Variants in RMND5B observed in about 807,000 individuals in gnomAD.
RMND5B encodes the protein E3 ubiquitin-protein transferase RMND5B.
A neutral mutation model predicts 50.4 loss-of-function variants in RMND5B; 42 were observed. That is an observed-to-expected ratio of 0.83 (90% CI 0.65 to 1.08). RMND5B has a LOEUF of 1.08. Ranked by LOEUF, RMND5B falls within the 50% of genes least tolerant of loss-of-function variation. RMND5B has a pLI of 0.00. For missense variants in RMND5B, 463 were observed against 508.5 expected (o/e 0.91, Z 0.86); for synonymous variants, 220 against 210.0 (o/e 1.05, Z -0.41).
In RMND5B at chr5:178,148,453, T is replaced by C. The variant is rs1046232361; in HGVS notation, c.*421T>C. 1.6e-5 allele frequency: 4 copies of C among 256,840 alleles called. No individual in the cohort carries two copies. Among genetic ancestry groups the C allele is most frequent in the African/African-American group, 8.9e-5 (4 of 45,004 alleles). 15.9% of individuals were successfully genotyped at this position (256,840 alleles called of 1,614,324 possible). On this transcript the variant is annotated 3_prime_UTR_variant, in exon 11 of 11. Coordinates refer to ENST00000313386, the MANE Select transcript of RMND5B (RefSeq NM_022762.5). ...AGAGTGTCCAGCGGTGGCCCACCTC[T>C]TCCTCCCACTACAGCCTCAACAGTA...
At chr5:178,147,188 C>G (rs546904346) in intron 8 of RMND5B, 2 of 291,392 alleles carry the variant, frequency 6.9e-6, no homozygotes, top group Admixed American at 4.8e-5. Context: ...CAGCAGGGTA[C>G]GTCCTACAGG....
In RMND5B at chr5:178,146,268, C is replaced by A. The variant is rs749058433; in HGVS notation, c.849C>A (p.Pro283=). Residue 283 remains proline (P), a synonymous_variant, in exon 8 of 11, where the codon CCC becomes CCA. Coordinates refer to ENST00000313386, the MANE Select transcript of RMND5B (RefSeq NM_022762.5). Reference sequence around the variant, plus strand: ...TGCTGGGGCTTTCTGTGGAGTCCCCCCTTAGCGTCAGGTACAACCCAGCCC... The same window carrying A: ...TGCTGGGGCTTTCTGTGGAGTCCCCACTTAGCGTCAGGTACAACCCAGCCC... ...CSLLGLSVES[P]LSVSFASGCV... 8.1e-6 allele frequency: 13 copies of A among 1,613,928 alleles called. No individual in the cohort carries two copies. The Admixed American group carries it at 1.0e-4, about 12-fold the overall frequency.
chr5:178,134,274 A>T (rs1758496522), intron 2 of RMND5B, among the ~76,000 whole-genome samples: 1 of 152,220 alleles, frequency 6.6e-6, no homozygotes, highest in African/African-American at 2.4e-5. Context: ...ATTTAACTAC[A>T]GCTTACGTAC....
intron 2 of RMND5B, among the ~76,000 whole-genome samples, chr5:178,132,976 T>G (rs1390911493): frequency 2.6e-5 from 4 of 151,866 alleles, no homozygotes; most frequent in African/African-American, 4.8e-5. Flanking sequence ...GCAATTCTCC[T>G]GCCTCAGCCT....
chr5:178,146,094 C>A lies in RMND5B; in HGVS notation c.695-20C>A. The A allele has an allele frequency of 6.2e-7, 1 of 1,613,160 alleles. No homozygotes were observed. Among genetic ancestry groups the A allele is most frequent in the Non-Finnish European group, 8.5e-7 (1 of 1,179,564 alleles). On this transcript the variant is annotated intron_variant, in intron 7 of 10. Coordinates refer to ENST00000313386, the MANE Select transcript of RMND5B (RefSeq NM_022762.5). The stretch of plus-strand genomic sequence containing the variant: ...CAGAGCCCTGCACCCCCTGAGCTGC[C>A]CCCTCTGGTTGCCTTGTAGAGATCC...
At position 178,149,681 on chromosome 5, in the gene RMND5B, A is replaced by T. The variant is rs201984406; in HGVS notation, c.*1649A>T. On this transcript the variant is annotated 3_prime_UTR_variant, in exon 11 of 11. Transcript: ENST00000313386. ...TCCTGCTGCCAGCCCAATAGCTTCC[A>T]GCGGCAGGTGCCCAGGTGCTACCGG... 3 of 1,611,654 alleles carry T rather than the reference A, an allele frequency of 1.9e-6. No homozygotes were observed. The South Asian group carries it at 3.3e-5, about 18-fold the overall frequency.
Position 178,138,396 on chromosome 5 carries a change from G to A in RMND5B, c.139+138G>A. On this transcript the variant is annotated intron_variant, in intron 3 of 10. Transcript: ENST00000313386. The surrounding 1 kb of genome is among the most constrained non-coding windows in gnomAD (Gnocchi z 5.1). Reference sequence around the variant, plus strand: ...GCATCTGTAGGCCTCCTTGAAACCGGGTAATGACAGTCTCTGAGCTACTTC... The same window carrying A: ...GCATCTGTAGGCCTCCTTGAAACCGAGTAATGACAGTCTCTGAGCTACTTC... The A allele has an allele frequency of 7.1e-7, 1 of 1,415,066 alleles. No homozygotes were observed. Among genetic ancestry groups the A allele is most frequent in the Non-Finnish European group, 9.2e-7 (1 of 1,086,552 alleles). The allele number at this position is 1,415,066 out of a possible 1,614,324, so 87.7% of individuals were successfully genotyped here. A position where few individuals can be genotyped will look rare whatever the true frequency, so the allele number is the denominator to read the frequency against.
At chr5:178,147,943 C>T (rs770252070) in intron 10 of RMND5B, 26 bp from the exon 11 acceptor site, 15 of 1,614,168 alleles carry the variant, frequency 9.3e-6, no homozygotes, top group East Asian at 4.5e-5. Flanking sequence ...ACCCCTGAGA[C>T]GTTCTCGGTT....
rs1756157950 is a variant in RMND5B at position 178,148,382 on chromosome 5, T to G, written c.*350T>G. On this transcript the variant is annotated 3_prime_UTR_variant, in exon 11 of 11. Coordinates refer to ENST00000313386, the MANE Select transcript of RMND5B (RefSeq NM_022762.5). ...TTCCACCCCTGCCCTCAGCCAAGTC[T>G]CTTGCTGCCATGCCAATGCTATGTC... is the stretch of plus-strand genomic sequence containing the variant. The G allele has an allele frequency of 5.4e-6, 2 of 369,650 alleles. No homozygotes were observed. The highest frequency in any genetic ancestry group is 4.2e-5 in the African/African-American group (2 of 48,062). The allele number at this position is 369,650 out of a possible 1,614,324, so 22.9% of individuals were successfully genotyped here.
intron 8 of RMND5B, chr5:178,147,127 G>A: frequency 5.4e-6 from 1 of 186,014 alleles, no homozygotes; most frequent in Non-Finnish European, 1.1e-5. Context: ...ACCTCCATTT[G>A]TTAGGCGGCC....
intron 8 of RMND5B, chr5:178,147,291 A>C: frequency 7.2e-6 from 4 of 552,112 alleles, no homozygotes; most frequent in Non-Finnish European, 9.7e-6. Context: ...CCCTAGAGCT[A>C]TAGGAAGTCT....
rs1358993686 is a variant in RMND5B, at chr5:178,138,030, C to G, written c.-12-78C>G. On this transcript the variant is annotated intron_variant, in intron 2 of 10. Transcript: ENST00000313386. This position sits in a 1 kb window ranked among gnomAD's most constrained non-coding sequence, Gnocchi z 5.1. ...ATGATGTGGGAATGGTGAGAGGGAT[C>G]TGAAGAGGTGGTCTGGGCACCCTGC... 4 of 1,291,402 alleles carry G rather than the reference C, an allele frequency of 3.1e-6. No individual in the cohort carries two copies. In the East Asian group the frequency reaches 1.0e-4, roughly 33 times the overall value. 80.0% of individuals were successfully genotyped at this position (1,291,402 alleles called of 1,614,324 possible). A position where few individuals can be genotyped will look rare whatever the true frequency, so the allele number is the denominator to read the frequency against.
chr5:178,147,864 A>G lies in RMND5B; in HGVS notation c.1099A>G (p.Lys367Glu). 1.2e-6 allele frequency: 2 copies of G among 1,614,004 alleles called. No homozygotes were observed. Among genetic ancestry groups the G allele is most frequent in the Non-Finnish European group, 1.7e-6 (2 of 1,180,014 alleles). ...GHVISRDALN[K>E]LINGGKLKCP... is the part of the protein sequence containing the mutation. ...TGTTATCTCCCGAGATGCACTCAAT[A>G]AGCTCATTAATGGAGGAAAGTAAGT... Residue 367 changes from lysine to glutamate, a missense_variant, in exon 10 of 11, where the codon AAG (lysine) becomes GAG (glutamate). By Grantham distance (56) the Lys-to-Glu change is moderately conservative. Transcript: ENST00000313386.
intron 3 of RMND5B, among the ~76,000 whole-genome samples, chr5:178,140,181 C>CT (rs1341514940): frequency 1.3e-5 from 2 of 151,956 alleles, no homozygotes; most frequent in African/African-American, 4.8e-5. Flanking sequence ...CTGTTGTTCA[C>CT]TTTTATTTTG....
At chr5:178,145,411 G>A (rs1028245713) in intron 7 of RMND5B, among the ~76,000 whole-genome samples, 8 of 151,510 alleles carry the variant, frequency 5.3e-5, no homozygotes, top group African/African-American at 1.5e-4. Context: ...ACTTGAACCC[G>A]GGAAGCGGAG....
At chr5:178,135,216 G>A in intron 2 of RMND5B, 1 of 218,260 alleles carries the variant, frequency 4.6e-6, no homozygotes, top group Non-Finnish European at 9.9e-6. Context: ...CATAATCATG[G>A]CTGACTGCAG....
intron 2 of RMND5B, among the ~76,000 whole-genome samples, chr5:178,132,789 CAAAAAAAAAAAA>C (rs58710080): frequency 7.7e-5 from 3 of 38,904 alleles, no homozygotes; most frequent in Admixed American, 3.8e-4. Context: ...CCCTGCCTCA[CAAAAAAAAAAAA>C]AAAAAAAAAA....
chr5:178,132,904 G>A (rs948988441), intron 2 of RMND5B, among the ~76,000 whole-genome samples: 5 of 141,352 alleles, frequency 3.5e-5, no homozygotes, highest in Non-Finnish European at 7.5e-5. Flanking sequence ...TCACTCTGTC[G>A]CCCAGGCTGG....
At chr5:178,132,158 A>C (rs1581105025) in intron 2 of RMND5B, among the ~76,000 whole-genome samples, 1 of 151,746 alleles carries the variant, frequency 6.6e-6, no homozygotes, top group Non-Finnish European at 1.5e-5. Context: ...CCAAAAAATT[A>C]GGCTGGGCGC....
Sources: gnomAD v4.1 joint callset for allele counts (sites outside exome capture counted in the v4.1 genomes callset) on GRCh38, gnomAD v4.1.1 for gene constraint, Gnocchi (gnomAD v3.1) non-coding constraint, MANE v1.5 for transcripts, NCBI Gene and HGNC (gene_info 2026-07-23, HGNC 2026-07-21) for gene names.